The following ABTB3 variants were observed in gnomAD, a reference collection of about 807,000 sequenced individuals.
The protein encoded by ABTB3 is ankyrin repeat and BTB domain containing 3.
At chr12:107,566,648 T>TACACACACACACACAC in the ABTB3 span, among the ~76,000 whole-genome samples, 44 of 136,456 alleles carry the variant, frequency 3.2e-4, no homozygotes, top group East Asian at 6.3e-4. Context: ...CTAATTTAAA[T>TACACACACACACACAC]ACACACACAC....
chr12:107,527,582 G>T, the ABTB3 span, among the ~76,000 whole-genome samples: 1,933 of 146,130 alleles, frequency 0.013, 28 homozygotes, highest in African/African-American at 0.043. Flanking sequence ...AAGAGTTTTT[G>T]TTTTTTTTTT....
the ABTB3 span, among the ~76,000 whole-genome samples, chr12:107,433,238 C>T: frequency 7.2e-6 from 1 of 137,954 alleles, no homozygotes; most frequent in Non-Finnish European, 1.5e-5. Flanking sequence ...TGCAGTGAGC[C>T]GAGATTGCGC....
At chr12:107,421,641 C>A in the ABTB3 span, among the ~76,000 whole-genome samples, 6 of 152,348 alleles carry the variant, frequency 3.9e-5, no homozygotes, top group East Asian at 9.6e-4. Context: ...CAGGGGTCCA[C>A]TTTATTTCTT....
At chr12:107,364,497 G>C in the ABTB3 span, among the ~76,000 whole-genome samples, 2 of 151,936 alleles carry the variant, frequency 1.3e-5, no homozygotes, top group Non-Finnish European at 1.5e-5. Flanking sequence ...CACCATATTG[G>C]TTAGGCTGGT....
chr12:107,548,183 C>T, the ABTB3 span, among the ~76,000 whole-genome samples: 943 of 113,840 alleles, frequency 8.3e-3, 8 homozygotes, highest in African/African-American at 0.034. Flanking sequence ...TTTCTCTCCT[C>T]TCTCCTGTGT....
the ABTB3 span, among the ~76,000 whole-genome samples, chr12:107,459,632 G>A: frequency 6.6e-6 from 1 of 152,338 alleles, no homozygotes; most frequent in East Asian, 1.9e-4. Flanking sequence ...AGAATATTAC[G>A]GGCAGAGGGA....
At chr12:107,543,316 G>C in the ABTB3 span, among the ~76,000 whole-genome samples, 1 of 142,102 alleles carries the variant, frequency 7.0e-6, no homozygotes, top group Non-Finnish European at 1.5e-5. Context: ...TCCAGCCTGG[G>C]CAACAGAGCA....
At chr12:107,373,592 C>T in the ABTB3 span, among the ~76,000 whole-genome samples, 1 of 152,208 alleles carries the variant, frequency 6.6e-6, no homozygotes, top group East Asian at 1.9e-4. Flanking sequence ...ATGCAGAGGC[C>T]TTAACCTGAC....
the ABTB3 span, among the ~76,000 whole-genome samples, chr12:107,389,583 T>A: frequency 6.6e-6 from 1 of 152,164 alleles, no homozygotes; most frequent in Admixed American, 6.5e-5. Flanking sequence ...AGTGACTATT[T>A]TGGTTATTAA....
At chr12:107,515,582 A>G in the ABTB3 span, among the ~76,000 whole-genome samples, 1 of 152,192 alleles carries the variant, frequency 6.6e-6, no homozygotes, top group African/African-American at 2.4e-5. Context: ...CCCAAGATTC[A>G]TTGCCGTGGC....
At chr12:107,559,348 G>A in the ABTB3 span, among the ~76,000 whole-genome samples, 1 of 152,086 alleles carries the variant, frequency 6.6e-6, no homozygotes, top group East Asian at 1.9e-4. Context: ...AGCCCCGTGT[G>A]TGCTGTGTGT....
At chr12:107,350,820 G>A in the ABTB3 span, among the ~76,000 whole-genome samples, 3 of 152,130 alleles carry the variant, frequency 2.0e-5, no homozygotes, top group Non-Finnish European at 4.4e-5. Flanking sequence ...ATTACTGAAG[G>A]GTCTCTCTTC....
the ABTB3 span, among the ~76,000 whole-genome samples, chr12:107,329,507 A>G: frequency 3.9e-5 from 6 of 152,256 alleles, no homozygotes; most frequent in Non-Finnish European, 8.8e-5. Flanking sequence ...TAAGTGCTTA[A>G]GCAGTGCCAG....
the ABTB3 span, among the ~76,000 whole-genome samples, chr12:107,582,146 T>C: frequency 2.0e-5 from 3 of 152,174 alleles, no homozygotes; most frequent in African/African-American, 7.2e-5. Context: ...GTTTGTGGTA[T>C]GCAGCAGCCC....
the ABTB3 span, among the ~76,000 whole-genome samples, chr12:107,539,574 G>C: frequency 3.9e-5 from 6 of 152,268 alleles, no homozygotes; most frequent in East Asian, 1.2e-3. Flanking sequence ...GTCAACCCCA[G>C]CATGAAGCAG....
At chr12:107,604,124 A>G in the ABTB3 span, among the ~76,000 whole-genome samples, 31 of 152,050 alleles carry the variant, frequency 2.0e-4, no homozygotes, top group Admixed American at 1.3e-3. Flanking sequence ...AGCCGAGATC[A>G]CGCCACTGCA....
the ABTB3 span, among the ~76,000 whole-genome samples, chr12:107,643,586 G>A: frequency 6.6e-6 from 1 of 151,912 alleles, no homozygotes; most frequent in African/African-American, 2.4e-5. Context: ...ATTTTCTACT[G>A]AGAGCAAAGT....
the ABTB3 span, among the ~76,000 whole-genome samples, chr12:107,440,855 G>T: frequency 1.9e-4 from 29 of 152,262 alleles, no homozygotes; most frequent in Admixed American, 1.6e-3. Flanking sequence ...TGACTGCCTG[G>T]GCCAAGGGCA....
At chr12:107,435,837 G>A in the ABTB3 span, among the ~76,000 whole-genome samples, 3 of 152,186 alleles carry the variant, frequency 2.0e-5, no homozygotes, top group Non-Finnish European at 4.4e-5. Flanking sequence ...TTATCCAGTA[G>A]AACTTTCTGC....
Sources: gnomAD v4.1 joint callset for allele counts (sites outside exome capture counted in the v4.1 genomes callset) on GRCh38, gnomAD v4.1.1 for gene constraint, MANE v1.5 for transcripts, NCBI Gene and HGNC (gene_info 2026-07-23, HGNC 2026-07-21) for gene names.